The following AK5 variants were observed in gnomAD, a reference collection of about 807,000 sequenced individuals.
AK5 encodes the protein adenylate kinase 5.
AK5 carries 27 observed loss-of-function variants against 69.5 expected under a neutral mutation model. The ratio of observed to expected loss-of-function variants is 0.39; its 90% confidence interval spans 0.29 to 0.54. The LOEUF (loss-of-function observed/expected upper bound fraction) is 0.54, where lower values mean the gene tolerates loss of function less well. Ranked by LOEUF, AK5 falls within the 20% of genes least tolerant of loss-of-function variation. The probability of loss-of-function intolerance (pLI) is 0.71; values close to 1 mark genes in which losing one functional copy is unlikely to be tolerated. For synonymous variants in AK5, 260 were observed against 244.4 expected (o/e 1.06, Z -0.60); for missense variants, 531 against 700.4 (o/e 0.76, Z 2.73).
intron 12 of AK5, among the ~76,000 whole-genome samples, chr1:77,533,876 G>A (rs561976461): frequency 2.3e-4 from 35 of 151,772 alleles, no homozygotes; most frequent in Non-Finnish European, 3.8e-4. Flanking sequence ...TCCCAAGCTC[G>A]CCCTCTGCTG....
chr1:77,341,250 T>TA (rs1188351118), intron 6 of AK5, among the ~76,000 whole-genome samples: 1 of 152,238 alleles, frequency 6.6e-6, no homozygotes, highest in African/African-American at 2.4e-5. Flanking sequence ...AAGGTTCAGC[T>TA]AAATTTATGA....
chr1:77,388,214 A>G (rs1236893024), intron 6 of AK5, among the ~76,000 whole-genome samples: 1 of 152,200 alleles, frequency 6.6e-6, no homozygotes, highest in Non-Finnish European at 1.5e-5. Flanking sequence ...CTGCAAATAC[A>G]ATATCACAAG....
chr1:77,349,330 G>A (rs543985793), intron 6 of AK5: 2 of 152,080 alleles, frequency 1.3e-5, no homozygotes, highest in East Asian at 1.9e-4. Context: ...TTTCACATAC[G>A]ATAACTCATT....
chr1:77,290,640 T>C (rs1658635485), intron 2 of AK5, among the ~76,000 whole-genome samples: 1 of 152,218 alleles, frequency 6.6e-6, no homozygotes, highest in Non-Finnish European at 1.5e-5. Context: ...AGAGCCCATC[T>C]TCCAGAATAT....
At position 77,322,391 on chromosome 1, in the gene AK5, G is replaced by A. The variant is rs536670232; in HGVS notation, c.700-17986G>A. ...GAGTAACTCAAGCACAAATTTTACC[G>A]GCTACTTTATCTGGCTTCAGGTGAC... On this transcript the variant is annotated intron_variant, in intron 5 of 13. Transcript: ENST00000354567. Among the ~76,000 whole-genome samples, 6 of 151,796 alleles carry A rather than the reference G, an allele frequency of 4.0e-5. No individual in the cohort carries two copies. The East Asian group carries it at 7.7e-4, about 20-fold the overall frequency.
chr1:77,358,018 T>TGTGAGAGAGAGA lies in AK5; in HGVS notation c.891+17451_891+17452insTGAGAGAGAGAG, dbSNP rs762714026. 3.9e-5 allele frequency among the ~76,000 whole-genome samples: 5 copies of TGTGAGAGAGAGA among 128,178 alleles called. No individual in the cohort carries two copies. The East Asian group carries it at 7.4e-4, about 19-fold the overall frequency. 84.1% of individuals were successfully genotyped at this position (128,178 alleles called of 152,430 possible). ...GTGTGTGTGTGTGTGTGTGTGTGTG[T>TGTGAGAGAGAGA]GAGAGAGAGAGAGAGAGAGAGACAG... On this transcript the variant is annotated intron_variant, in intron 6 of 13. Transcript: ENST00000354567.
At chr1:77,451,273 C>A (rs1653135170) in intron 8 of AK5, among the ~76,000 whole-genome samples, 1 of 152,038 alleles carries the variant, frequency 6.6e-6, no homozygotes, top group Non-Finnish European at 1.5e-5. Flanking sequence ...TTAACATTGA[C>A]ATTATGAAGC....
intron 8 of AK5, among the ~76,000 whole-genome samples, chr1:77,458,844 ACTT>A (rs932176746): frequency 1.2e-4 from 19 of 152,302 alleles, no homozygotes; most frequent in Non-Finnish European, 1.8e-4. Context: ...TAATACATGA[ACTT>A]CTCTGGGAAG....
chr1:77,347,946 G>C (rs1051693971), intron 6 of AK5, among the ~76,000 whole-genome samples: 1 of 152,134 alleles, frequency 6.6e-6, no homozygotes, highest in Admixed American at 6.5e-5. Flanking sequence ...CATCTCTCTC[G>C]AGGTTGGAAA....
At chr1:77,475,357 TTA>T (rs71075746) in intron 8 of AK5, among the ~76,000 whole-genome samples, 19,132 of 125,988 alleles carry the variant, frequency 0.15, 2,031 homozygotes, top group Admixed American at 0.18. Flanking sequence ...TACATATATA[TTA>T]TATATATACA....
chr1:77,379,977 T>C (rs1169336137), intron 6 of AK5, among the ~76,000 whole-genome samples: 4 of 152,200 alleles, frequency 2.6e-5, no homozygotes. Flanking sequence ...CTCAACAGCT[T>C]GCAGGGTTCC....
intron 6 of AK5, among the ~76,000 whole-genome samples, chr1:77,366,551 T>C (rs919668120): frequency 1.3e-5 from 2 of 152,190 alleles, no homozygotes; most frequent in Non-Finnish European, 2.9e-5. Context: ...CTGGTCTCTC[T>C]ACCACACCAT....
chr1:77,338,284 C>A lies in AK5; in HGVS notation c.700-2093C>A, dbSNP rs537094307. Among the ~76,000 whole-genome samples, 62 of 152,168 alleles carry A rather than the reference C, an allele frequency of 4.1e-4. No individual in the cohort carries two copies. The Middle Eastern group carries it at 0.01, about 25-fold the overall frequency. On this transcript the variant is annotated intron_variant, in intron 5 of 13. Coordinates refer to ENST00000354567, the MANE Select transcript of AK5 (RefSeq NM_174858.3). ...GGCCATTTGAACAATGTTTTAAAGACAAAATCAATAGGCAACAGTGATAAC... is the reference window on the plus strand; with the variant it reads ...GGCCATTTGAACAATGTTTTAAAGAAAAAATCAATAGGCAACAGTGATAAC...
chr1:77,406,687 A>T (rs1649675875), intron 6 of AK5, among the ~76,000 whole-genome samples: 1 of 129,200 alleles, frequency 7.7e-6, no homozygotes, highest in Admixed American at 8.4e-5. Flanking sequence ...GCACATGAGG[A>T]AATTGCCTGA....
intron 6 of AK5, among the ~76,000 whole-genome samples, chr1:77,386,548 TG>T (rs1294933831): frequency 6.6e-6 from 1 of 151,788 alleles, no homozygotes; most frequent in Non-Finnish European, 1.5e-5. Context: ...ATTGAAAGGG[TG>T]GGGGAAAATC....
chr1:77,446,493 A>G (rs11585310), intron 8 of AK5, among the ~76,000 whole-genome samples: 8,674 of 152,232 alleles, frequency 0.057, 285 homozygotes, highest in Middle Eastern at 0.11. Flanking sequence ...TAGGGATTGT[A>G]TTGAATATAT....
Position 77,536,167 on chromosome 1 carries a change from C to G in AK5, c.1620+129C>G, listed in dbSNP as rs1658955174. 1.2e-5 allele frequency: 13 copies of G among 1,086,968 alleles called. No individual in the cohort carries two copies. The Admixed American group carries it at 3.7e-4, about 31-fold the overall frequency. The allele number at this position is 1,086,968 out of a possible 1,614,324, so 67.3% of individuals were successfully genotyped here. ...ATTAGAACTCTGTGCAGCTGCAGCA[C>G]TGGGGCCAAAAGGCCCAGCACAGTG... On this transcript the variant is annotated intron_variant, in intron 13 of 13. Transcript: ENST00000354567.
chr1:77,317,735 C>A (rs1660314808), intron 5 of AK5, among the ~76,000 whole-genome samples: 1 of 152,162 alleles, frequency 6.6e-6, no homozygotes. Flanking sequence ...GATTGAAAAC[C>A]TTTCATGACA....
At chr1:77,397,241 C>A (rs1557559196) in intron 6 of AK5, among the ~76,000 whole-genome samples, 1 of 152,126 alleles carries the variant, frequency 6.6e-6, no homozygotes, top group Non-Finnish European at 1.5e-5. Context: ...CCTGCTTAGT[C>A]TCACTTGTTC....
Sources: allele counts gnomAD v4.1 joint callset (sites outside exome capture counted in the v4.1 genomes callset), GRCh38; gene constraint gnomAD v4.1.1; transcripts MANE v1.5; gene names NCBI Gene and HGNC (gene_info 2026-07-23, HGNC 2026-07-21).